Variants in CABIN1 observed in about 807,000 individuals in gnomAD.
CABIN1 encodes calcineurin-binding protein cabin-1.
CABIN1 carries 133 observed loss-of-function variants against 227.7 expected under a neutral mutation model. That is an observed-to-expected ratio of 0.58 (90% CI 0.51 to 0.67). CABIN1 has a LOEUF of 0.67. Among genes scored for constraint, CABIN1 ranks in the 30% least tolerant of loss-of-function variants. The probability of loss-of-function intolerance (pLI) is 0.00; values close to 1 mark genes in which losing one functional copy is unlikely to be tolerated. For synonymous variants in CABIN1, 1,086 were observed against 1,155.1 expected, an observed-to-expected ratio of 0.94 and a Z score of 1.21; for missense variants, 2,408 against 2,852.5, an observed-to-expected ratio of 0.84 and a Z score of 3.55.
At chr22:24,129,127 C>G (rs1328782834) in intron 28 of CABIN1, among the ~76,000 whole-genome samples, 1 of 152,144 alleles carries the variant, frequency 6.6e-6, no homozygotes, top group Non-Finnish European at 1.5e-5. Flanking sequence ...GCAGGTGTCC[C>G]CAGAGGGTAG....
chr22:24,169,947 C>T (rs1228447472), intron 33 of CABIN1, among the ~76,000 whole-genome samples: 2 of 152,212 alleles, frequency 1.3e-5, no homozygotes, highest in Non-Finnish European at 2.9e-5. Context: ...CGTCAGAGAC[C>T]TCGGAAGACA....
At chr22:24,167,393 C>G in intron 32 of CABIN1, 80 bp downstream of exon 32, 1 of 1,394,932 alleles carries the variant, frequency 7.2e-7, no homozygotes, top group South Asian at 1.2e-5. Context: ...CAAGGAGGGT[C>G]TCCCAGGCCT....
intron 10 of CABIN1, among the ~76,000 whole-genome samples, chr22:24,058,371 G>A (rs766277098): frequency 1.1e-4 from 16 of 152,172 alleles, no homozygotes; most frequent in Non-Finnish European, 1.9e-4. Flanking sequence ...ATGGTAGCTC[G>A]CCTGATGGAG....
intron 16 of CABIN1, among the ~76,000 whole-genome samples, chr22:24,067,749 G>A (rs141766818): frequency 6.6e-6 from 1 of 152,122 alleles, no homozygotes. Context: ...TCTGAGCTCA[G>A]TTCCTCATTT....
chr22:24,178,523 G>T lies in CABIN1; in HGVS notation c.*327G>T, dbSNP rs908648169. ...CAGCTGGCCATATCCACCCCTCGACGCCGGGATGAGCCGGCTCTGCCTGTG... is the reference window on the plus strand; with the variant it reads ...CAGCTGGCCATATCCACCCCTCGACTCCGGGATGAGCCGGCTCTGCCTGTG... On this transcript the variant is annotated 3_prime_UTR_variant, in exon 37 of 37. Transcript: ENST00000263119. The T allele has an allele frequency of 1.1e-5, 4 of 379,486 alleles. No homozygotes were observed. The highest frequency in any genetic ancestry group is 9.5e-5 in the South Asian group (4 of 42,022). 23.5% of individuals were successfully genotyped at this position (379,486 alleles called of 1,614,324 possible).
intron 29 of CABIN1, among the ~76,000 whole-genome samples, chr22:24,149,346 G>A (rs1458536189): frequency 6.6e-6 from 1 of 152,210 alleles, no homozygotes; most frequent in Non-Finnish European, 1.5e-5. Flanking sequence ...GTTATGGGGA[G>A]GGTCACGTGA....
chr22:24,116,311 G>A (rs903694248), intron 27 of CABIN1, among the ~76,000 whole-genome samples: 1 of 152,218 alleles, frequency 6.6e-6, no homozygotes, highest in South Asian at 2.1e-4. Context: ...CGTTCTGAGG[G>A]CAAGAGGGTA....
At chr22:24,067,316 C>G in intron 16 of CABIN1, 135 bp downstream of exon 16, 2 of 916,424 alleles carry the variant, frequency 2.2e-6, no homozygotes, top group Non-Finnish European at 1.7e-6. Context: ...CCACTAAGCC[C>G]CCAGGAAGAT....
chr22:24,103,307 A>G (rs1401571148), intron 26 of CABIN1: 2 of 152,006 alleles, frequency 1.3e-5, no homozygotes, highest in African/African-American at 2.4e-5. Context: ...CTATATTTCC[A>G]TTGCTTTGCT....
intron 27 of CABIN1, among the ~76,000 whole-genome samples, chr22:24,115,346 C>A (rs950829945): frequency 6.6e-6 from 1 of 152,136 alleles, no homozygotes; most frequent in Non-Finnish European, 1.5e-5. Context: ...CTGCCTCTTC[C>A]CTCCTTCCAT....
chr22:24,015,379 C>G (rs973890805), intron 1 of CABIN1, among the ~76,000 whole-genome samples: 2 of 143,494 alleles, frequency 1.4e-5, no homozygotes, highest in African/African-American at 2.5e-5. Flanking sequence ...GAGTCTCGCT[C>G]TTTTGCCCAG....
intron 29 of CABIN1, among the ~76,000 whole-genome samples, chr22:24,160,584 G>A (rs1026423863): frequency 1.3e-5 from 2 of 152,222 alleles, no homozygotes; most frequent in Non-Finnish European, 2.9e-5. Flanking sequence ...CGAGCCCCGG[G>A]TTGGCCCTGG....
At chr22:24,075,387 G>A (rs779202725) in intron 18 of CABIN1, among the ~76,000 whole-genome samples, 5 of 152,164 alleles carry the variant, frequency 3.3e-5, no homozygotes, top group Admixed American at 1.3e-4. Context: ...GTAAACAAAT[G>A]TGTAACTGGA....
chr22:24,135,623 G>A (rs1370051114), intron 29 of CABIN1, among the ~76,000 whole-genome samples: 4 of 152,086 alleles, frequency 2.6e-5, no homozygotes, highest in Non-Finnish European at 1.5e-5. Flanking sequence ...CTACCTCCAA[G>A]TCCTTACCTA....
At chr22:24,054,460 C>T (rs528763738) in intron 8 of CABIN1, among the ~76,000 whole-genome samples, 2 of 152,334 alleles carry the variant, frequency 1.3e-5, no homozygotes, top group Non-Finnish European at 2.9e-5. Context: ...CAGTCCCCCA[C>T]AGGCTCTCCG....
chr22:24,156,118 ACTGGGGCCGGGG>A lies in CABIN1; in HGVS notation c.4747-8274_4747-8263del, dbSNP rs745908928. ...GGCGGGGGCCGGGACTGGGGCCGGG[ACTGGGGCCGGGG>A]CTGGGGCTGCGCAACCGCTTCGCCT... On this transcript the variant is annotated intron_variant, in intron 29 of 36. Coordinates refer to ENST00000263119, the MANE Select transcript of CABIN1 (RefSeq NM_012295.4). 2.3e-3 allele frequency: 917 copies of A among 403,340 alleles called. 3 individuals are homozygous for A. Among genetic ancestry groups the A allele is most frequent in the Non-Finnish European group, 3.5e-3 (792 of 227,880 alleles). 25.0% of individuals were successfully genotyped at this position (403,340 alleles called of 1,614,324 possible).
chr22:24,080,553 C>T (rs1393927925), intron 19 of CABIN1, among the ~76,000 whole-genome samples: 1 of 152,180 alleles, frequency 6.6e-6, no homozygotes, highest in Non-Finnish European at 1.5e-5. Context: ...TTATTTAGGT[C>T]TTATGCTTTC....
At chr22:24,173,435 T>C (rs960315909) in intron 34 of CABIN1, 1 of 152,262 alleles carries the variant, frequency 6.6e-6, no homozygotes, top group African/African-American at 2.4e-5. Flanking sequence ...TCGGTTGCAC[T>C]GGTCGTGGCC....
chr22:24,017,317 G>A (rs760254479), intron 1 of CABIN1, among the ~76,000 whole-genome samples: 21 of 152,100 alleles, frequency 1.4e-4, no homozygotes, highest in Non-Finnish European at 1.2e-4. Context: ...GATTACAGGC[G>A]TGAGCCACTG....
Sources: gnomAD v4.1 joint callset for allele counts (sites outside exome capture counted in the v4.1 genomes callset) on GRCh38, gnomAD v4.1.1 for gene constraint, MANE v1.5 for transcripts, NCBI Gene and HGNC (gene_info 2026-07-23, HGNC 2026-07-21) for gene names.